Variants in PAWR observed in about 807,000 individuals in gnomAD.
PAWR encodes pro-apoptotic WT1 regulator.
Under a neutral mutation model 32.0 loss-of-function variants are expected in PAWR, and 23 were observed. The observed-to-expected ratio is 0.72, with a 90% confidence interval of 0.52 to 1.02. The LOEUF (loss-of-function observed/expected upper bound fraction) is 1.02. Among genes scored for constraint, PAWR ranks in the 50% least tolerant of loss-of-function variants. The pLI is 0.00. For missense variants in PAWR, 457 were observed against 437.7 expected (o/e 1.04, Z -0.39); for synonymous variants, 226 against 187.1 (o/e 1.21, Z -1.70).
At position 79,690,094 on chromosome 12, in the gene PAWR, C is replaced by T. The variant is rs900357057; in HGVS notation, c.151G>A (p.Gly51Arg). Reference protein sequence around the residue: ...PPGGGSSDAAGKPPAGALGTP... With the variant: ...PPGGGSSDAARKPPAGALGTP... ...CCCAGAGCCCCCGCGGGGGGCTTCC[C>T]AGCGGCGTCGCTGCTGCCCCCTCCC... The change falls in exon 2 of 7, where the codon GGG (glycine) becomes AGG (arginine). Residue 51 changes from glycine to arginine, a missense_variant. Transcript: ENST00000328827. 5 of 1,462,170 alleles carry T rather than the reference C, an allele frequency of 3.4e-6. No individual in the cohort carries two copies. The highest frequency in any genetic ancestry group is 4.5e-6 in the Non-Finnish European group (5 of 1,114,370). The allele number at this position is 1,462,170 out of a possible 1,614,324, so 90.6% of individuals were successfully genotyped here. A position where few individuals can be genotyped will look rare whatever the true frequency, so the allele number is the denominator to read the frequency against.
chr12:79,662,431 A>G (rs1877397232), intron 2 of PAWR, among the ~76,000 whole-genome samples: 2 of 152,232 alleles, frequency 1.3e-5, no homozygotes, highest in South Asian at 4.1e-4. Context: ...ATCCAGCTCC[A>G]GAAAAGTCCA....
At chr12:79,593,615 G>A (rs1017357647) in intron 6 of PAWR, among the ~76,000 whole-genome samples, 3 of 150,524 alleles carry the variant, frequency 2.0e-5, no homozygotes, top group African/African-American at 7.3e-5. Context: ...AGCTGAGATC[G>A]CGCCACTGAA....
rs139516431 is a variant in PAWR at position 79,683,219 on chromosome 12, A to G, written c.516+6510T>C. 5.4e-3 allele frequency among the ~76,000 whole-genome samples: 826 copies of G among 152,328 alleles called. 1 individual carries two copies. The highest frequency in any genetic ancestry group is 0.01 in the Middle Eastern group (3 of 294). Reference sequence around the variant, plus strand: ...AGTTTTAAATTGGAAGAAAAAAATGAAAATGTTTAACAACCTCATAGGAAA... The same window carrying G: ...AGTTTTAAATTGGAAGAAAAAAATGGAAATGTTTAACAACCTCATAGGAAA... On this transcript the variant is annotated intron_variant, in intron 2 of 6. Transcript: ENST00000328827.
intron 2 of PAWR, among the ~76,000 whole-genome samples, chr12:79,642,937 T>C (rs1475469864): frequency 1.3e-5 from 2 of 152,204 alleles, no homozygotes; most frequent in Middle Eastern, 3.2e-3. Context: ...CCATACCAGC[T>C]CTTCATTTGA....
At chr12:79,682,025 A>G (rs1878471064) in intron 2 of PAWR, among the ~76,000 whole-genome samples, 1 of 152,242 alleles carries the variant, frequency 6.6e-6, no homozygotes, top group African/African-American at 2.4e-5. Context: ...GTTTGCTTAC[A>G]TGACCATAGA....
intron 2 of PAWR, among the ~76,000 whole-genome samples, chr12:79,638,790 G>GGTGTGTGTGTGTGTGTGT (rs34039182): frequency 1.3e-4 from 14 of 105,272 alleles, no homozygotes; most frequent in African/African-American, 4.9e-4. Context: ...TTATATTTGG[G>GGTGTGTGTGTGTGTGTGT]GTGTGTGTGT....
chr12:79,654,019 A>T (rs1184288922), intron 2 of PAWR, among the ~76,000 whole-genome samples: 2 of 152,184 alleles, frequency 1.3e-5, no homozygotes, highest in South Asian at 2.1e-4. Flanking sequence ...GAATGATATA[A>T]AATCTTCCTA....
chr12:79,619,831 GA>G (rs1460197841), intron 3 of PAWR, among the ~76,000 whole-genome samples: 5 of 152,182 alleles, frequency 3.3e-5, no homozygotes, highest in Non-Finnish European at 5.9e-5. Flanking sequence ...GTAGAGCTGA[GA>G]AAATGTTGGC....
Position 79,629,414 on chromosome 12 carries a change from G to GGTT in PAWR, c.517-8208_517-8207insAAC, listed in dbSNP as rs375917564. On this transcript the variant is annotated intron_variant, in intron 2 of 6. Coordinates refer to ENST00000328827, the MANE Select transcript of PAWR (RefSeq NM_002583.4). ...ATAGGGATATTACATAATGATAAAG[G>GGTT]GGTCAATTCATCCAGAAGACACAGT... 2.1e-3 allele frequency among the ~76,000 whole-genome samples: 322 copies of GGTT among 152,058 alleles called. 2 individuals are homozygous for GGTT. The highest frequency in any genetic ancestry group is 7.6e-3 in the African/African-American group (314 of 41,516).
At chr12:79,639,177 C>G (rs143522096) in intron 2 of PAWR, among the ~76,000 whole-genome samples, 4 of 151,478 alleles carry the variant, frequency 2.6e-5, no homozygotes, top group African/African-American at 9.7e-5. Context: ...TCCCACAGTG[C>G]TGGATAGGTG....
At chr12:79,611,600 T>C (rs1197888956) in intron 4 of PAWR, among the ~76,000 whole-genome samples, 1 of 151,988 alleles carries the variant, frequency 6.6e-6, no homozygotes, top group African/African-American at 2.4e-5. Flanking sequence ...CTAGGTTTTG[T>C]GGCTTTTTAA....
At chr12:79,648,045 C>G (rs1405629866) in intron 2 of PAWR, among the ~76,000 whole-genome samples, 1 of 152,194 alleles carries the variant, frequency 6.6e-6, no homozygotes, top group Non-Finnish European at 1.5e-5. Context: ...GCTGATCTGA[C>G]AGGAGGCAGA....
At chr12:79,653,610 G>T (rs1377048342) in intron 2 of PAWR, among the ~76,000 whole-genome samples, 1 of 152,134 alleles carries the variant, frequency 6.6e-6, no homozygotes, top group East Asian at 1.9e-4. Flanking sequence ...CTCCCGAGTA[G>T]CTGGGATTAC....
chr12:79,664,266 A>G (rs1877491740), intron 2 of PAWR, among the ~76,000 whole-genome samples: 1 of 152,202 alleles, frequency 6.6e-6, no homozygotes, highest in African/African-American at 2.4e-5. Flanking sequence ...ACTCAAAAAG[A>G]TCTGGAAATA....
chr12:79,650,322 G>A (rs540426573), intron 2 of PAWR, among the ~76,000 whole-genome samples: 57 of 152,282 alleles, frequency 3.7e-4, no homozygotes, highest in Middle Eastern at 6.8e-3. Context: ...AAGGCTACAC[G>A]CTACATTGAC....
chr12:79,660,526 C>T (rs1239787437), intron 2 of PAWR, among the ~76,000 whole-genome samples: 1 of 152,032 alleles, frequency 6.6e-6, no homozygotes, highest in African/African-American at 2.4e-5. Context: ...AAGATCTCTT[C>T]CCTAAACTCC....
At chr12:79,609,814 C>T (rs924514757) in intron 4 of PAWR, among the ~76,000 whole-genome samples, 1 of 152,138 alleles carries the variant, frequency 6.6e-6, no homozygotes, top group African/African-American at 2.4e-5. Context: ...AGAGCAACTG[C>T]CTCACAAGAA....
At chr12:79,653,435 G>A (rs955477182) in intron 2 of PAWR, among the ~76,000 whole-genome samples, 10 of 152,120 alleles carry the variant, frequency 6.6e-5, no homozygotes, top group African/African-American at 2.4e-4. Flanking sequence ...TTAAATTGCT[G>A]CAATTTCAAT....
intron 2 of PAWR, among the ~76,000 whole-genome samples, chr12:79,640,051 C>T (rs896312122): frequency 2.0e-5 from 3 of 151,966 alleles, no homozygotes; most frequent in Admixed American, 6.6e-5. Context: ...ATTACAGGTG[C>T]CTGCGAACAC....
Sources: gnomAD v4.1 joint callset for allele counts (sites outside exome capture counted in the v4.1 genomes callset) on GRCh38, gnomAD v4.1.1 for gene constraint, MANE v1.5 for transcripts, NCBI Gene and HGNC (gene_info 2026-07-23, HGNC 2026-07-21) for gene names.